The following DIAPH1 variants were observed in gnomAD, a reference collection of about 807,000 sequenced individuals.
DIAPH1 encodes protein diaphanous homolog 1.
DIAPH1 carries 46 observed loss-of-function variants against 140.7 expected under a neutral mutation model. The ratio of observed to expected loss-of-function variants is 0.33; its 90% CI spans 0.26 to 0.42. The LOEUF is 0.42. DIAPH1 is among the 10% of genes least tolerant of loss of function. The pLI is 1.00. For synonymous variants in DIAPH1, 565 were observed against 551.6 expected, an observed-to-expected ratio of 1.02 and a Z score of -0.34; for missense variants, 1,310 against 1,558.7, an observed-to-expected ratio of 0.84 and a Z score of 2.69.
chr5:141,545,830 T>C (rs188936331), intron 18 of DIAPH1, among the ~76,000 whole-genome samples: 1 of 152,256 alleles, frequency 6.6e-6, no homozygotes, highest in African/African-American at 2.4e-5. Flanking sequence ...ACAATGACAA[T>C]AGAATGGCTG....
intron 18 of DIAPH1, among the ~76,000 whole-genome samples, chr5:141,554,419 TA>T: frequency 6.6e-6 from 1 of 152,172 alleles, no homozygotes; most frequent in Middle Eastern, 3.2e-3. Context: ...ATAAAAGAAC[TA>T]AATCGGTGAT....
intron 1 of DIAPH1, among the ~76,000 whole-genome samples, chr5:141,606,612 C>CAGG (rs1171197559): frequency 6.6e-6 from 1 of 152,148 alleles, no homozygotes; most frequent in Non-Finnish European, 1.5e-5. Context: ...CCAGGCTGGT[C>CAGG]TTGAACTCCT....
intron 18 of DIAPH1, among the ~76,000 whole-genome samples, chr5:141,544,829 G>A (rs1420396148): frequency 6.6e-6 from 1 of 152,194 alleles, no homozygotes; most frequent in Non-Finnish European, 1.5e-5. Flanking sequence ...AAAACAGTTT[G>A]GCAGTTTCTT....
chr5:141,575,615 C>T (rs2099895850), intron 14 of DIAPH1, among the ~76,000 whole-genome samples: 1 of 151,630 alleles, frequency 6.6e-6, no homozygotes, highest in Non-Finnish European at 1.5e-5. Context: ...CGCCACTGCA[C>T]TCCAGCCTGG....
At chr5:141,535,839 T>A (rs920369656) in intron 18 of DIAPH1, among the ~76,000 whole-genome samples, 7 of 152,368 alleles carry the variant, frequency 4.6e-5, no homozygotes, top group African/African-American at 1.7e-4. Context: ...TAGCTGCCTC[T>A]GAGCAGAGGA....
At chr5:141,569,766 T>C (rs1299887247) in intron 18 of DIAPH1, among the ~76,000 whole-genome samples, 1 of 151,534 alleles carries the variant, frequency 6.6e-6, no homozygotes, top group Non-Finnish European at 1.5e-5. Context: ...GTCTCAAAAA[T>C]AAAAATAAAA....
At chr5:141,582,089 AGAGAG>A in intron 7 of DIAPH1, 1 of 303,320 alleles carries the variant, frequency 3.3e-6, no homozygotes, top group Non-Finnish European at 6.1e-6. Flanking sequence ...AAAAAAAAAG[AGAGAG>A]AAACAAAATT....
intron 5 of DIAPH1, 27 bp downstream of exon 5, chr5:141,583,458 C>A (rs2154596597): frequency 6.2e-7 from 1 of 1,614,234 alleles, no homozygotes; most frequent in Non-Finnish European, 8.5e-7. Context: ...TTGGCTCCTA[C>A]TCCTGTTACC....
intron 10 of DIAPH1, 62 bp downstream of exon 10, chr5:141,578,453 T>C: frequency 6.5e-7 from 1 of 1,531,348 alleles, no homozygotes; most frequent in Non-Finnish European, 9.1e-7. Flanking sequence ...TCCCCGGGAT[T>C]ATTGGGGCTG....
At chr5:141,528,129 C>G (rs771625090) in intron 23 of DIAPH1, among the ~76,000 whole-genome samples, 1 of 152,082 alleles carries the variant, frequency 6.6e-6, no homozygotes, top group South Asian at 2.1e-4. Context: ...AGTTCCAGGA[C>G]AGTGAGGCCT....
intron 18 of DIAPH1, among the ~76,000 whole-genome samples, chr5:141,546,325 T>C (rs2099890793): frequency 6.6e-6 from 1 of 152,044 alleles, no homozygotes; most frequent in Admixed American, 6.6e-5. Flanking sequence ...GAGGCTGAAG[T>C]GAGCCAAAAC....
intron 18 of DIAPH1, chr5:141,560,925 G>T: frequency 2.2e-6 from 1 of 455,860 alleles, no homozygotes; most frequent in South Asian, 1.5e-5. Flanking sequence ...CCAGGAAAGG[G>T]TGGGGAAAGA....
intron 1 of DIAPH1, among the ~76,000 whole-genome samples, chr5:141,590,449 C>T (rs899162845): frequency 2.6e-5 from 4 of 152,134 alleles, no homozygotes; most frequent in Non-Finnish European, 5.9e-5. Flanking sequence ...GAAAGCACCA[C>T]CCAAGACAAC....
At position 141,571,946 on chromosome 5, in the gene DIAPH1, G is replaced by A. The variant is rs1181272452; in HGVS notation, c.2453C>T (p.Thr818Ile). The A allele has an allele frequency of 1.2e-6, 2 of 1,613,880 alleles. No individual in the cohort carries two copies. Among genetic ancestry groups the A allele is most frequent in the South Asian group, 1.1e-5 (1 of 91,068 alleles). Residue 818 changes from threonine to isoleucine, a missense_variant, in exon 17 of 28, where the codon ACC becomes ATC. By Grantham distance (89) the Thr-to-Ile change is moderately conservative. Coordinates refer to ENST00000389054, the MANE Select transcript of DIAPH1 (RefSeq NM_005219.5). ...CTCACTCTTGGTCTGGGCAGAGAAG[G>A]TAAGGGTAAGTTTGGCGAAAAGTTC... ...NNELFAKLTLTFSAQTKTSKA... is the reference protein window; with the variant it reads ...NNELFAKLTLIFSAQTKTSKA...
chr5:141,518,253 C>T (rs1488167262), intron 27 of DIAPH1, among the ~76,000 whole-genome samples: 2 of 149,164 alleles, frequency 1.3e-5, no homozygotes, highest in East Asian at 3.9e-4. Context: ...TATTCTAAAA[C>T]CCCTGAATTA....
intron 17 of DIAPH1, 61 bp downstream of exon 17, chr5:141,571,865 C>T: frequency 8.2e-7 from 1 of 1,221,494 alleles, no homozygotes; most frequent in Non-Finnish European, 1.2e-6. Flanking sequence ...AATAGGAAAC[C>T]TAATGAAAAA....
intron 18 of DIAPH1, among the ~76,000 whole-genome samples, chr5:141,545,580 G>A (rs998911124): frequency 4.5e-4 from 69 of 152,280 alleles, no homozygotes; most frequent in African/African-American, 1.6e-3. Flanking sequence ...GAAGGCTGAG[G>A]CTGCTGTGAG....
chr5:141,570,650 G>A (rs2099895045), intron 18 of DIAPH1, among the ~76,000 whole-genome samples: 3 of 152,102 alleles, frequency 2.0e-5, no homozygotes. Flanking sequence ...CTAGGGGGAG[G>A]TGGGGAAAAT....
chr5:141,536,596 G>A lies in DIAPH1; in HGVS notation c.2483-2163C>T, dbSNP rs377633932. 1.3e-4 allele frequency among the ~76,000 whole-genome samples: 20 copies of A among 152,130 alleles called. No individual in the cohort carries two copies. The South Asian group carries it at 2.3e-3, about 17-fold the overall frequency. ...GGAAAAGGATGGGGGATTTGATGAC[G>A]GGGGCAGTTTACAATTTTAGAGGGA... On this transcript the variant is annotated intron_variant, in intron 18 of 27. Coordinates refer to ENST00000389054, the MANE Select transcript of DIAPH1 (RefSeq NM_005219.5).
Sources: gnomAD v4.1 joint callset for allele counts (sites outside exome capture counted in the v4.1 genomes callset) on GRCh38, gnomAD v4.1.1 for gene constraint, MANE v1.5 for transcripts, NCBI Gene and HGNC (gene_info 2026-07-23, HGNC 2026-07-21) for gene names.